SGCZ: variants seen among roughly 807,000 people sequenced by gnomAD.
SGCZ encodes sarcoglycan zeta.
A neutral mutation model predicts 41.3 loss-of-function variants in SGCZ; 40 were observed. That is an observed-to-expected ratio of 0.97 (90% CI 0.75 to 1.26). SGCZ has a LOEUF of 1.26. SGCZ is among the 50% of genes most tolerant of loss of function. The pLI is 0.00. For missense variants in SGCZ, 552 were observed against 369.8 expected (o/e 1.49, Z -4.04); for synonymous variants, 206 against 137.5 (o/e 1.50, Z -3.49).
chr8:14,728,172 G>C (rs1291625875), intron 1 of SGCZ, among the ~76,000 whole-genome samples: 1 of 152,100 alleles, frequency 6.6e-6, no homozygotes, highest in East Asian at 1.9e-4. Context: ...TATGTGCAAT[G>C]TCAAAATGCA....
chr8:15,192,697 T>C (rs1199655285), intron 1 of SGCZ, among the ~76,000 whole-genome samples: 1 of 152,096 alleles, frequency 6.6e-6, no homozygotes, highest in Non-Finnish European at 1.5e-5. Flanking sequence ...TCAAGTTCTA[T>C]GATAAGTTGT....
intron 1 of SGCZ, among the ~76,000 whole-genome samples, chr8:15,202,369 G>C (rs544945532): frequency 1.3e-5 from 2 of 152,282 alleles, no homozygotes; most frequent in Non-Finnish European, 2.9e-5. Flanking sequence ...CAAATTGAGA[G>C]ACCATTATTT....
intron 2 of SGCZ, among the ~76,000 whole-genome samples, chr8:14,393,439 T>C (rs568034734): frequency 6.6e-5 from 10 of 152,214 alleles, no homozygotes; most frequent in Admixed American, 2.0e-4. Flanking sequence ...ATGGCGCTGA[T>C]CAACTGGAAA....
intron 1 of SGCZ, among the ~76,000 whole-genome samples, chr8:14,587,964 A>G (rs565311235): frequency 6.6e-6 from 1 of 152,244 alleles, no homozygotes; most frequent in South Asian, 2.1e-4. Flanking sequence ...CATGGGTAAC[A>G]TCTTTCTCAA....
In SGCZ at chr8:14,246,528, A is replaced by AT. The variant is rs532392940; in HGVS notation, c.337-8850dup. 2.4e-4 allele frequency among the ~76,000 whole-genome samples: 36 copies of AT among 152,086 alleles called. No homozygotes were observed. In the South Asian group the frequency reaches 6.0e-3, roughly 25 times the overall value. The stretch of plus-strand genomic sequence containing the variant: ...GAGTTAATGGGTGCAGCACACCAGC[A>AT]TGGCACATGTATACATATGTAACTA... On this transcript the variant is annotated intron_variant, in intron 3 of 7. Coordinates refer to ENST00000382080, the MANE Select transcript of SGCZ (RefSeq NM_139167.4).
At chr8:14,988,106 G>A (rs1157976311) in intron 1 of SGCZ, among the ~76,000 whole-genome samples, 1 of 151,926 alleles carries the variant, frequency 6.6e-6, no homozygotes, top group East Asian at 1.9e-4. Context: ...GTGAAATGGT[G>A]ATTTAAAATA....
chr8:14,214,690 A>G (rs547430727), intron 4 of SGCZ, among the ~76,000 whole-genome samples: 1 of 143,074 alleles, frequency 7.0e-6, no homozygotes, highest in South Asian at 2.1e-4. Context: ...GTACCATGCT[A>G]ACAGTAATTT....
intron 1 of SGCZ, among the ~76,000 whole-genome samples, chr8:14,786,204 C>T (rs76158819): frequency 1.9e-3 from 285 of 152,106 alleles, no homozygotes; most frequent in South Asian, 3.7e-3. Flanking sequence ...TTGTCTTTGA[C>T]GAGTTTTATC....
intron 7 of SGCZ, among the ~76,000 whole-genome samples, chr8:14,096,390 T>A (rs2116965023): frequency 6.6e-6 from 1 of 152,208 alleles, no homozygotes; most frequent in South Asian, 2.1e-4. Flanking sequence ...CACGGTTATG[T>A]GATTGATTGA....
At chr8:14,287,926 A>G (rs1800696899) in intron 3 of SGCZ, among the ~76,000 whole-genome samples, 1 of 152,108 alleles carries the variant, frequency 6.6e-6, no homozygotes, top group African/African-American at 2.4e-5. Flanking sequence ...TAGAGGGACT[A>G]TAGGATTTAT....
At chr8:15,116,817 T>C (rs750853977) in intron 1 of SGCZ, among the ~76,000 whole-genome samples, 3 of 152,230 alleles carry the variant, frequency 2.0e-5, no homozygotes, top group African/African-American at 4.8e-5. Flanking sequence ...AAACTGCAAG[T>C]AACTTGGTAA....
intron 1 of SGCZ, among the ~76,000 whole-genome samples, chr8:15,202,054 T>C (rs1288142841): frequency 6.6e-6 from 1 of 152,210 alleles, no homozygotes; most frequent in African/African-American, 2.4e-5. Flanking sequence ...GATTCTATTG[T>C]TGTCCACATC....
At chr8:15,022,891 T>C (rs1005734158) in intron 1 of SGCZ, among the ~76,000 whole-genome samples, 19 of 152,226 alleles carry the variant, frequency 1.2e-4, no homozygotes, top group African/African-American at 4.6e-4. Context: ...TTATAGAGTT[T>C]AAGTAACGTA....
intron 1 of SGCZ, among the ~76,000 whole-genome samples, chr8:15,056,620 A>C (rs1452959587): frequency 6.6e-6 from 1 of 151,722 alleles, no homozygotes; most frequent in Non-Finnish European, 1.5e-5. Flanking sequence ...TTGTAACTGT[A>C]TTTTAATCTA....
chr8:14,699,736 C>T (rs1388993743), intron 1 of SGCZ, among the ~76,000 whole-genome samples: 2 of 151,858 alleles, frequency 1.3e-5, no homozygotes, highest in Non-Finnish European at 1.5e-5. Context: ...GGTCTAATAT[C>T]CAGAACCCGT....
At chr8:15,158,671 G>C (rs1402381236) in intron 1 of SGCZ, among the ~76,000 whole-genome samples, 1 of 152,092 alleles carries the variant, frequency 6.6e-6, no homozygotes, top group Non-Finnish European at 1.5e-5. Flanking sequence ...TATCTGGGTA[G>C]GTTCTTTGAA....
intron 1 of SGCZ, among the ~76,000 whole-genome samples, chr8:14,870,776 G>C (rs1804119618): frequency 6.6e-6 from 1 of 151,044 alleles, no homozygotes; most frequent in African/African-American, 2.4e-5. Context: ...AATACGAACA[G>C]ACACTTCACA....
intron 3 of SGCZ, among the ~76,000 whole-genome samples, chr8:14,290,373 G>T (rs1322729440): frequency 6.6e-6 from 1 of 151,960 alleles, no homozygotes; most frequent in Non-Finnish European, 1.5e-5. Flanking sequence ...TGCACAGCAA[G>T]AAAATAATGC....
At chr8:14,499,381 G>T (rs901897226) in intron 2 of SGCZ, among the ~76,000 whole-genome samples, 2 of 151,632 alleles carry the variant, frequency 1.3e-5, no homozygotes, top group Non-Finnish European at 2.9e-5. Context: ...ATTTTCTTTT[G>T]CATCATATAT....
Sources: allele counts gnomAD v4.1 joint callset (sites outside exome capture counted in the v4.1 genomes callset), GRCh38; gene constraint gnomAD v4.1.1; transcripts MANE v1.5; gene names NCBI Gene and HGNC (gene_info 2026-07-23, HGNC 2026-07-21).